Variants in NDUFS1 observed in about 807,000 individuals in gnomAD.
The protein encoded by NDUFS1 is NADH:ubiquinone oxidoreductase core subunit S1, also known as NADH-ubiquinone oxidoreductase 75 kDa subunit, mitochondrial.
In NDUFS1, 61 loss-of-function variants were observed where a neutral mutation model predicts 84.4. The observed-to-expected ratio is 0.72, with a 90% CI of 0.59 to 0.89. The LOEUF is 0.89. Among genes scored for constraint, NDUFS1 ranks in the 40% least tolerant of loss-of-function variants. NDUFS1 has a pLI of 0.00. For missense variants in NDUFS1, 891 were observed against 890.0 expected (o/e 1.00, Z -0.01); for synonymous variants, 275 against 290.0 (o/e 0.95, Z 0.53).
At chr2:206,144,282 T>C in intron 9 of NDUFS1, 150 bp from the exon 10 acceptor site, 1 of 639,026 alleles carries the variant, frequency 1.6e-6, no homozygotes, top group Non-Finnish European at 2.8e-6. Context: ...ATTCCAGATA[T>C]TTTTAGAGAT....
rs902901047 is a variant in NDUFS1 at position 206,128,780 on chromosome 2, C to CA, written c.1709-809dup. On this transcript the variant is annotated intron_variant, in intron 15 of 18. Coordinates refer to ENST00000233190, the MANE Select transcript of NDUFS1 (RefSeq NM_005006.7). ...TGGGTGACAGAGTGAGACTCTATCT[C>CA]AAAAAAAAAAATTTTTTTTTTAAAG... 2.8e-4 allele frequency among the ~76,000 whole-genome samples: 40 copies of CA among 142,244 alleles called. 1 individual carries two copies. Among genetic ancestry groups the CA allele is most frequent in the South Asian group, 1.1e-3 (5 of 4,494 alleles). 93.3% of individuals were successfully genotyped at this position (142,244 alleles called of 152,430 possible).
rs546027487 is a variant in NDUFS1 at position 206,123,970 on chromosome 2, T to C, written c.*215A>G. The C allele has an allele frequency of 8.7e-5, 45 of 517,260 alleles. 1 individual carries two copies. The South Asian group carries it at 1.3e-3, about 15-fold the overall frequency. The allele number at this position is 517,260 out of a possible 1,614,324, so 32.0% of individuals were successfully genotyped here. A position where few individuals can be genotyped will look rare whatever the true frequency, so the allele number is the denominator to read the frequency against. ...ATCAATGCTTTTAAGAGCATCTGCA[T>C]AGTTTTGTTATTTAACCTTTACACA... is the stretch of plus-strand genomic sequence containing the variant. On this transcript the variant is annotated 3_prime_UTR_variant, in exon 19 of 19. Transcript: ENST00000233190.
rs1434670622 is a variant in NDUFS1, at chr2:206,117,175, CAG to C, written c.*7008_*7009del. The C allele has an allele frequency of 1.3e-5, 2 of 152,230 alleles. No homozygotes were observed. Among genetic ancestry groups the C allele is most frequent in the East Asian group, 1.9e-4 (1 of 5,188 alleles). The allele number at this position is 152,230 out of a possible 1,614,324, so 9.4% of individuals were successfully genotyped here. A position where few individuals can be genotyped will look rare whatever the true frequency, so the allele number is the denominator to read the frequency against. On this transcript the variant is annotated 3_prime_UTR_variant, in exon 19 of 19. Transcript: ENST00000233190. ...TGCCACTGAACCCCAGCCTGGGTGACAGAGTTGCCTCAATCAGTCAATCAATC... is the reference window on the plus strand; with the variant it reads ...TGCCACTGAACCCCAGCCTGGGTGACAGTTGCCTCAATCAGTCAATCAATC...
At chr2:206,148,901 A>C in intron 5 of NDUFS1, 119 bp downstream of exon 5, 1 of 755,710 alleles carries the variant, frequency 1.3e-6, no homozygotes, top group Non-Finnish European at 2.3e-6. Context: ...CTAGAAGCTG[A>C]GCACACCAAC....
intron 13 of NDUFS1, among the ~76,000 whole-genome samples, chr2:206,134,213 C>G (rs909542583): frequency 6.6e-6 from 1 of 152,192 alleles, no homozygotes; most frequent in Non-Finnish European, 1.5e-5. Flanking sequence ...AAATAACACA[C>G]TCTTTCTCAC....
chr2:206,129,828 G>A (rs1245470928), intron 15 of NDUFS1, among the ~76,000 whole-genome samples: 1 of 151,954 alleles, frequency 6.6e-6, no homozygotes, highest in Non-Finnish European at 1.5e-5. Context: ...CTGACCTCAG[G>A]TGATCCACCC....
chr2:206,127,622 G>C, intron 16 of NDUFS1, 175 bp downstream of exon 16: 1 of 655,740 alleles, frequency 1.5e-6, no homozygotes, highest in South Asian at 1.9e-5. Flanking sequence ...GGTGCAATGA[G>C]AGCTCACTGT....
At chr2:206,156,523 TACAATCA>T (rs776283518) in intron 1 of NDUFS1, among the ~76,000 whole-genome samples, 6 of 146,318 alleles carry the variant, frequency 4.1e-5, no homozygotes, top group Non-Finnish European at 9.0e-5. Flanking sequence ...TACAGTGAGC[TACAATCA>T]TGCCACTGCA....
At chr2:206,127,574 G>A in intron 16 of NDUFS1, 1 of 476,990 alleles carries the variant, frequency 2.1e-6, no homozygotes, top group Non-Finnish European at 3.7e-6. Context: ...TTTTTTAAGA[G>A]ACAGGGTCTT....
intron 14 of NDUFS1, 138 bp from the exon 15 acceptor site, chr2:206,130,380 A>G: frequency 8.7e-7 from 1 of 1,145,942 alleles, no homozygotes; most frequent in Non-Finnish European, 1.2e-6. Flanking sequence ...TCGGCGATAG[A>G]GTCTCACTTT....
intron 1 of NDUFS1, 107 bp downstream of exon 1, chr2:206,159,234 T>C (rs775787874): frequency 1.6e-5 from 20 of 1,227,668 alleles, no homozygotes; most frequent in Non-Finnish European, 2.2e-5. Context: ...CGGCGCCCAG[T>C]CAAGGACAAC....
At position 206,116,420 on chromosome 2, in the gene NDUFS1, T is replaced by C. The variant is rs902551861; in HGVS notation, c.*7765A>G. The stretch of plus-strand genomic sequence containing the variant: ...CCATCCCAAGCTGCCAGGGCCTCGA[T>C]AGGCAGGGCGCGGCAGGTGCCAGGA... On this transcript the variant is annotated 3_prime_UTR_variant, in exon 19 of 19. Transcript: ENST00000233190. 30 of 811,498 alleles carry C rather than the reference T, an allele frequency of 3.7e-5. No individual in the cohort carries two copies. Among genetic ancestry groups the C allele is most frequent in the Admixed American group, 3.7e-4 (17 of 46,566 alleles). 50.3% of individuals were successfully genotyped at this position (811,498 alleles called of 1,614,324 possible).
At chr2:206,142,601 G>A (rs1692004676) in intron 11 of NDUFS1, 85 bp downstream of exon 11, 7 of 1,524,898 alleles carry the variant, frequency 4.6e-6, no homozygotes, top group African/African-American at 1.4e-5. Context: ...GGGATATGTT[G>A]GAGAATCCAG....
intron 1 of NDUFS1, among the ~76,000 whole-genome samples, chr2:206,156,672 T>C (rs924868474): frequency 1.3e-5 from 2 of 152,220 alleles, no homozygotes; most frequent in Non-Finnish European, 1.5e-5. Flanking sequence ...TGAATAATAG[T>C]ACATATACAT....
chr2:206,141,798 CAA>C (rs200961205), intron 12 of NDUFS1, 141 bp downstream of exon 12: 13,959 of 497,262 alleles, frequency 0.028, no homozygotes, highest in Middle Eastern at 0.038. Context: ...TCCGTCCCAC[CAA>C]AAAAAAAAAA....
intron 15 of NDUFS1, among the ~76,000 whole-genome samples, chr2:206,129,538 C>T (rs1263223785): frequency 6.6e-6 from 1 of 151,874 alleles, no homozygotes; most frequent in Non-Finnish European, 1.5e-5. Flanking sequence ...GGTGGGATTA[C>T]AGCATGAGCC....
At position 206,119,276 on chromosome 2, in the gene NDUFS1, A is replaced by T. The variant is rs1691032064; in HGVS notation, c.*4909T>A. 1 of 152,184 alleles carries T rather than the reference A, an allele frequency of 6.6e-6. No homozygotes were observed. The highest frequency in any genetic ancestry group is 2.1e-4 in the South Asian group (1 of 4,834). 9.4% of individuals were successfully genotyped at this position (152,184 alleles called of 1,614,324 possible). The stretch of plus-strand genomic sequence containing the variant: ...GCTTTCTGATGTAATCATCAAAACA[A>T]TTCTATGAGGCTGGAAGTAGGTACA... On this transcript the variant is annotated 3_prime_UTR_variant, in exon 19 of 19. Transcript: ENST00000233190.
chr2:206,127,164 CTTACTT>C (rs768378899), intron 16 of NDUFS1, among the ~76,000 whole-genome samples: 6 of 152,176 alleles, frequency 3.9e-5, no homozygotes, highest in African/African-American at 1.2e-4. Flanking sequence ...AGTCAGGATG[CTTACTT>C]TTACATCAAT....
Position 206,140,943 on chromosome 2 carries a change from T to TATATATATATATATATACACACACACAC in NDUFS1, c.1262+997_1262+998insGTGTGTGTGTGTATATATATATATATAT, listed in dbSNP as rs367723817. Among the ~76,000 whole-genome samples the TATATATATATATATATACACACACACAC allele has an allele frequency of 2.2e-5, 3 of 136,110 alleles. No homozygotes were observed. The Admixed American group carries it at 2.3e-4, about 11-fold the overall frequency. 89.3% of individuals were successfully genotyped at this position (136,110 alleles called of 152,430 possible). On this transcript the variant is annotated intron_variant, in intron 12 of 18. Transcript: ENST00000233190. ...GTGTGTATATATATATATATATATATACACACACACTGAGAATCATAATAC... is the reference window on the plus strand; with the variant it reads ...GTGTGTATATATATATATATATATATATATATATATATATATACACACACACACACACACACACTGAGAATCATAATAC...
Sources: allele counts gnomAD v4.1 joint callset (sites outside exome capture counted in the v4.1 genomes callset), GRCh38; gene constraint gnomAD v4.1.1; transcripts MANE v1.5; gene names NCBI Gene and HGNC (gene_info 2026-07-23, HGNC 2026-07-21).